Variants in PLB1 observed in about 807,000 individuals in gnomAD.
PLB1 encodes the protein phospholipase B1, membrane-associated.
Under a neutral mutation model 227.4 loss-of-function variants are expected in PLB1, and 242 were observed. The ratio of observed to expected loss-of-function variants is 1.06; its 90% CI spans 0.96 to 1.18. The LOEUF (loss-of-function observed/expected upper bound fraction) is 1.18, where lower values mean the gene tolerates loss of function less well. Ranked by LOEUF, PLB1 falls within the 50% of genes most tolerant of loss-of-function variation. PLB1 has a pLI of 0.00. For synonymous variants in PLB1, 757 were observed against 682.2 expected (o/e 1.11, Z -1.71); for missense variants, 1,858 against 1,816.3 (o/e 1.02, Z -0.42).
intron 21 of PLB1, among the ~76,000 whole-genome samples, chr2:28,577,885 C>T (rs1427091504): frequency 6.6e-6 from 1 of 152,180 alleles, no homozygotes; most frequent in African/African-American, 2.4e-5. Flanking sequence ...TCACCCCCTC[C>T]TACGTGCAGT....
intron 20 of PLB1, among the ~76,000 whole-genome samples, chr2:28,567,210 A>AAAAAAG (rs147200372): frequency 0.1 from 15,276 of 151,964 alleles, 1,141 homozygotes; most frequent in African/African-American, 0.21. Context: ...GTGATTCAAG[A>AAAAAAG]AAAAAGAAAA....
At chr2:28,538,566 A>G (rs1672027909) in intron 10 of PLB1, among the ~76,000 whole-genome samples, 185 bp downstream of exon 10, 2 of 151,758 alleles carry the variant, frequency 1.3e-5, no homozygotes, top group Admixed American at 1.3e-4. Context: ...AGCACACTCC[A>G]CTCCTGCAAA....
chr2:28,541,550 T>C (rs2148208601), intron 12 of PLB1, among the ~76,000 whole-genome samples, 157 bp from the exon 13 acceptor site: 1 of 152,346 alleles, frequency 6.6e-6, no homozygotes, highest in South Asian at 2.1e-4. Context: ...CAAAGAGCCC[T>C]GAAGGGTGAG....
chr2:28,597,933 G>C (rs1485592426), intron 33 of PLB1, 72 bp from the exon 34 acceptor site: 4 of 1,438,376 alleles, frequency 2.8e-6, no homozygotes, highest in African/African-American at 1.4e-5. Context: ...GGCTGCTCTT[G>C]TGTAAAGTTC....
chr2:28,574,344 C>CCCG (rs774349720), intron 21 of PLB1, among the ~76,000 whole-genome samples: 2 of 125,236 alleles, frequency 1.6e-5, no homozygotes, highest in Admixed American at 1.8e-4. Context: ...TCACCCCCCC[C>CCCG]ACCCTTCCTC....
At chr2:28,533,770 A>G (rs559002607) in intron 9 of PLB1, among the ~76,000 whole-genome samples, 1 of 152,214 alleles carries the variant, frequency 6.6e-6, no homozygotes, top group Admixed American at 6.5e-5. Flanking sequence ...CATATACTTC[A>G]TCTTGTGTTT....
At chr2:28,542,132 CAAAAA>C (rs34320310) in intron 13 of PLB1, among the ~76,000 whole-genome samples, 1 of 125,824 alleles carries the variant, frequency 7.9e-6, no homozygotes. Flanking sequence ...GACTCAGTCT[CAAAAA>C]AAAAAAAAAA....
Position 28,612,934 on chromosome 2 carries a change from T to C in PLB1, c.3130-1097T>C, listed in dbSNP as rs116536913. Among the ~76,000 whole-genome samples, 745 of 149,148 alleles carry C rather than the reference T, an allele frequency of 5.0e-3. 7 individuals are homozygous for C. The highest frequency in any genetic ancestry group is 0.018 in the African/African-American group (708 of 39,946). ...TGCCCAGACTAATTTTTTTTTTTTT[T>C]ATTGAAACAGAGTCTCACTCTGTTG... On this transcript the variant is annotated intron_variant, in intron 43 of 57. Coordinates refer to ENST00000327757, the MANE Select transcript of PLB1 (RefSeq NM_153021.5).
intron 18 of PLB1, among the ~76,000 whole-genome samples, chr2:28,564,103 A>G (rs1220747387): frequency 6.6e-6 from 1 of 152,174 alleles, no homozygotes; most frequent in Non-Finnish European, 1.5e-5. Context: ...AAAATTAAGC[A>G]TGGTGACACA....
intron 56 of PLB1, among the ~76,000 whole-genome samples, chr2:28,640,643 C>G (rs1689862627): frequency 6.6e-6 from 1 of 152,178 alleles, no homozygotes; most frequent in Non-Finnish European, 1.5e-5. Flanking sequence ...GGACTCAGGA[C>G]TGGTGGTCTC....
At position 28,502,494 on chromosome 2, in the gene PLB1, T is replaced by C. The variant is rs553246801; in HGVS notation, c.55+6325T>C. ...AAATAATCATATGATTATTTACCCTTAGATCTATTATGTTGAGTTATATTA... is the reference window on the plus strand; with the variant it reads ...AAATAATCATATGATTATTTACCCTCAGATCTATTATGTTGAGTTATATTA... On this transcript the variant is annotated intron_variant, in intron 1 of 57. Transcript: ENST00000327757. Among the ~76,000 whole-genome samples the C allele has an allele frequency of 7.9e-5, 12 of 152,304 alleles. No homozygotes were observed. In the South Asian group the frequency reaches 2.5e-3, roughly 32 times the overall value.
At chr2:28,611,730 C>T (rs1573424097) in intron 43 of PLB1, among the ~76,000 whole-genome samples, 1 of 152,272 alleles carries the variant, frequency 6.6e-6, no homozygotes, top group African/African-American at 2.4e-5. Context: ...TACTGTTAAC[C>T]CGAGACAAGC....
At chr2:28,639,013 A>T (rs957761981) in intron 56 of PLB1, among the ~76,000 whole-genome samples, 1 of 150,550 alleles carries the variant, frequency 6.6e-6, no homozygotes, top group Non-Finnish European at 1.5e-5. Context: ...GGTTGCAGTA[A>T]GCTGAGATCG....
intron 26 of PLB1, among the ~76,000 whole-genome samples, chr2:28,586,287 A>C (rs1276913096): frequency 6.6e-6 from 1 of 152,214 alleles, no homozygotes; most frequent in Non-Finnish European, 1.5e-5. Flanking sequence ...TCCAGGGTTC[A>C]GTGACACAGG....
At chr2:28,536,856 G>A (rs1290471830) in intron 9 of PLB1, among the ~76,000 whole-genome samples, 1 of 152,252 alleles carries the variant, frequency 6.6e-6, no homozygotes, top group African/African-American at 2.4e-5. Context: ...TGACTGGGTG[G>A]GCCCCAATTC....
At chr2:28,517,476 G>A (rs1668989790) in intron 2 of PLB1, among the ~76,000 whole-genome samples, 1 of 152,200 alleles carries the variant, frequency 6.6e-6, no homozygotes, top group Non-Finnish European at 1.5e-5. Flanking sequence ...GAGGACCTGA[G>A]TACTGGTCAC....
At chr2:28,626,927 G>A (rs1305984208) in intron 51 of PLB1, among the ~76,000 whole-genome samples, 1 of 152,208 alleles carries the variant, frequency 6.6e-6, no homozygotes, top group African/African-American at 2.4e-5. Flanking sequence ...CCAAACCTCA[G>A]TGGTGGCCCT....
intron 20 of PLB1, 69 bp downstream of exon 20, chr2:28,566,908 A>G (rs1677033921): frequency 7.6e-6 from 12 of 1,582,054 alleles, no homozygotes; most frequent in Non-Finnish European, 3.5e-6. Context: ...CTCCCCCTGC[A>G]GGTGGCGCGG....
intron 10 of PLB1, among the ~76,000 whole-genome samples, 158 bp from the exon 11 acceptor site, chr2:28,538,941 C>T (rs1433587961): frequency 6.6e-6 from 1 of 151,992 alleles, no homozygotes; most frequent in Non-Finnish European, 1.5e-5. Flanking sequence ...GCAGACTGAC[C>T]CTGACCAAAC....
Sources: gnomAD v4.1 joint callset for allele counts (sites outside exome capture counted in the v4.1 genomes callset) on GRCh38, gnomAD v4.1.1 for gene constraint, MANE v1.5 for transcripts, NCBI Gene and HGNC (gene_info 2026-07-23, HGNC 2026-07-21) for gene names.